The following FNDC3A variants were observed in gnomAD, a reference collection of about 807,000 sequenced individuals.
FNDC3A encodes the protein fibronectin type III domain containing 3A.
Under a neutral mutation model 148.9 loss-of-function variants are expected in FNDC3A, and 32 were observed. The ratio of observed to expected loss-of-function variants is 0.21; its 90% CI spans 0.16 to 0.29. The LOEUF is 0.29. Among genes scored for constraint, FNDC3A ranks in the 10% least tolerant of loss-of-function variants. FNDC3A has a pLI of 1.00. For synonymous variants in FNDC3A, 472 were observed against 473.6 expected (o/e 1.00, Z 0.04); for missense variants, 1,191 against 1,452.8 (o/e 0.82, Z 2.93).
chr13:49,122,320 A>G (rs554747443), intron 4 of FNDC3A, among the ~76,000 whole-genome samples: 1 of 152,280 alleles, frequency 6.6e-6, no homozygotes, highest in East Asian at 1.9e-4. Context: ...AAAAACTTTC[A>G]ATAAACTAGG....
intron 2 of FNDC3A, among the ~76,000 whole-genome samples, chr13:49,037,057 T>C (rs995182077): frequency 1.3e-5 from 2 of 152,204 alleles, no homozygotes; most frequent in African/African-American, 2.4e-5. Flanking sequence ...CCTGGACCAG[T>C]TGAGGAGAAA....
At chr13:49,016,696 G>C (rs1246265789) in intron 2 of FNDC3A, among the ~76,000 whole-genome samples, 1 of 151,672 alleles carries the variant, frequency 6.6e-6, no homozygotes, top group African/African-American at 2.4e-5. Context: ...GTGATGTTAG[G>C]GTGTCAATTT....
chr13:49,019,485 G>C (rs951128240), intron 2 of FNDC3A, among the ~76,000 whole-genome samples: 4 of 152,202 alleles, frequency 2.6e-5, no homozygotes, highest in Admixed American at 6.5e-5. Flanking sequence ...CGCACCCACT[G>C]ACCTGCGCCC....
rs762184124 is a variant in FNDC3A, at chr13:49,178,625, C to T, written c.1588C>T (p.Leu530Phe). Residue 530 changes from leucine to phenylalanine, a missense_variant, in exon 14 of 26, where the codon CTC (leucine) becomes TTC (phenylalanine). Leu to Phe is a conservative substitution (Grantham distance 22). Around this residue, in one of 3 missense-constraint regions of FNDC3A, gnomAD observed 751 missense variants for 944.0 expected, o/e 0.80. Coordinates refer to ENST00000492622, the MANE Select transcript of FNDC3A (RefSeq NM_001079673.2). ...AGATCTTGCTTACACAGTGAAAAAT[C>T]TCAGACGTAGTACTAAGTATAAATT... ...GEDLAYTVKN[L>F]RRSTKYKFKV... is the part of the protein sequence containing the mutation. The T allele has an allele frequency of 6.3e-7, 1 of 1,578,328 alleles. No individual in the cohort carries two copies. The highest frequency in any genetic ancestry group is 1.8e-5 in the Admixed American group (1 of 54,214).
intron 3 of FNDC3A, among the ~76,000 whole-genome samples, chr13:49,106,598 A>G (rs1311959844): frequency 6.6e-6 from 1 of 152,244 alleles, no homozygotes; most frequent in African/African-American, 2.4e-5. Flanking sequence ...GGCGCGAAGC[A>G]GCACACCCAG....
chr13:49,141,388 C>A (rs1487447023), intron 7 of FNDC3A, among the ~76,000 whole-genome samples: 1 of 152,098 alleles, frequency 6.6e-6, no homozygotes, highest in Non-Finnish European at 1.5e-5. Flanking sequence ...TTACTCATTA[C>A]CTTTTTGCTT....
chr13:49,119,089 A>G (rs1881162577), intron 4 of FNDC3A, among the ~76,000 whole-genome samples: 1 of 152,194 alleles, frequency 6.6e-6, no homozygotes, highest in Non-Finnish European at 1.5e-5. Flanking sequence ...GTCGACAGAC[A>G]CCTCATACAG....
At chr13:49,198,674 G>C in intron 23 of FNDC3A, 100 bp downstream of exon 23, 2 of 934,788 alleles carry the variant, frequency 2.1e-6, no homozygotes, top group Non-Finnish European at 1.7e-6. Flanking sequence ...GCTGACACCT[G>C]TAATCTCAGC....
chr13:49,091,633 G>A (rs529917543), intron 3 of FNDC3A, among the ~76,000 whole-genome samples: 36 of 152,336 alleles, frequency 2.4e-4, no homozygotes, highest in South Asian at 4.1e-4. Context: ...TTTGGGTGAT[G>A]CCTGCATATC....
chr13:49,129,732 A>G (rs754500789), intron 4 of FNDC3A, among the ~76,000 whole-genome samples: 52 of 152,196 alleles, frequency 3.4e-4, no homozygotes, highest in Non-Finnish European at 1.5e-4. Flanking sequence ...GACCCAGCAT[A>G]TTAAAAACAG....
Position 49,122,805 on chromosome 13 carries a change from C to T in FNDC3A, c.252+8074C>T, listed in dbSNP as rs539314364. ...CCAACTTACAAGGGATGTGAAAGAC[C>T]TCTTCAAGGAGAACTACAAACCGCT... On this transcript the variant is annotated intron_variant, in intron 4 of 25. Coordinates refer to ENST00000492622, the MANE Select transcript of FNDC3A (RefSeq NM_001079673.2). 5.3e-5 allele frequency among the ~76,000 whole-genome samples: 8 copies of T among 152,218 alleles called. No individual in the cohort carries two copies. In the South Asian group the frequency reaches 8.3e-4, roughly 16 times the overall value.
At chr13:48,975,803 G>A (rs1272014432), upstream of FNDC3A, 1 of 151,702 alleles carries the variant, frequency 6.6e-6, no homozygotes, top group East Asian at 1.9e-4. Context: ...GCGTTCCGGT[G>A]AGAGAGCCCC....
At chr13:48,980,214 A>G (rs951225506) in intron 1 of FNDC3A, among the ~76,000 whole-genome samples, 2 of 152,190 alleles carry the variant, frequency 1.3e-5, no homozygotes, top group Admixed American at 6.5e-5. Flanking sequence ...AAATAGCTAC[A>G]CAGTGGCTTG....
Position 49,197,788 on chromosome 13 carries a change from A to C in FNDC3A, c.2404A>C (p.Ser802Arg). The stretch of plus-strand genomic sequence containing the variant: ...ACTGGAGTGGGGAGGAGTTGAAGGA[A>C]GTATGCAGATATGTTACTGTGGGCC... The part of the protein sequence containing the change: ...YRLEWGGVEG[S>R]MQICYCGPGL... Residue 802 changes from serine to arginine, a missense_variant, in exon 21 of 26, where the codon AGT becomes CGT. By Grantham distance (110) the Ser-to-Arg change is moderately radical. Around this residue, in one of 3 missense-constraint regions of FNDC3A, gnomAD observed 751 missense variants for 944.0 expected, o/e 0.80. Coordinates refer to ENST00000492622, the MANE Select transcript of FNDC3A (RefSeq NM_001079673.2). 6.2e-7 allele frequency: 1 copy of C among 1,611,210 alleles called. No individual in the cohort carries two copies.
intron 8 of FNDC3A, 21 bp from the exon 9 acceptor site, chr13:49,167,223 A>G: frequency 1.3e-6 from 2 of 1,520,916 alleles, no homozygotes; most frequent in Non-Finnish European, 1.8e-6. Flanking sequence ...CAGACATGAT[A>G]TATTACCCTT....
intron 2 of FNDC3A, chr13:49,043,990 GAAAAGCATATTAACTCTTTTCA>G (rs1875159640): frequency 6.6e-6 from 1 of 152,220 alleles, no homozygotes; most frequent in Admixed American, 6.5e-5. Flanking sequence ...TAGTTTACCA[GAAAAGCATATTAACTCTTTTCA>G]AAAACCACTG....
chr13:49,198,870 C>T (rs1482923891), intron 23 of FNDC3A, among the ~76,000 whole-genome samples: 1 of 152,096 alleles, frequency 6.6e-6, no homozygotes, highest in Non-Finnish European at 1.5e-5. Context: ...TGTACATTTC[C>T]TGTTTATAAT....
intron 4 of FNDC3A, among the ~76,000 whole-genome samples, chr13:49,129,598 T>A (rs921388578): frequency 1.3e-5 from 2 of 152,224 alleles, no homozygotes; most frequent in Non-Finnish European, 2.9e-5. Flanking sequence ...GGTAGGGTTC[T>A]AGATATTGTT....
intron 6 of FNDC3A, 110 bp from the exon 7 acceptor site, chr13:49,138,636 GA>G (rs1439180743): frequency 1.8e-6 from 1 of 559,434 alleles, no homozygotes; most frequent in Non-Finnish European, 3.2e-6. Flanking sequence ...ATAAAAACTA[GA>G]AAATAAAAGT....
Sources: gnomAD v4.1 joint callset for allele counts (sites outside exome capture counted in the v4.1 genomes callset) on GRCh38, gnomAD v4.1.1 for gene constraint, gnomAD v4.1.1 regional missense constraint, MANE v1.5 for transcripts, NCBI Gene and HGNC (gene_info 2026-07-23, HGNC 2026-07-21) for gene names.